The following SLF1 variants were observed in gnomAD, a reference collection of about 807,000 sequenced individuals.
SLF1 encodes the protein SMC5/6 complex localization factor 1, also known as SMC5-SMC6 complex localization factor protein 1.
A neutral mutation model predicts 123.0 loss-of-function variants in SLF1; 105 were observed. That is an observed-to-expected ratio of 0.85 (90% confidence interval 0.73 to 1.00). SLF1 has a LOEUF of 1.00. SLF1 is among the 50% of genes least tolerant of loss of function. SLF1 has a pLI of 0.00. For missense variants in SLF1, 1,239 were observed against 1,223.0 expected, an observed-to-expected ratio of 1.01 and a Z score of -0.20; for synonymous variants, 434 against 406.6, an observed-to-expected ratio of 1.07 and a Z score of -0.81.
At chr5:94,655,632 T>G (rs1748285157) in intron 9 of SLF1, among the ~76,000 whole-genome samples, 1 of 152,118 alleles carries the variant, frequency 6.6e-6, no homozygotes, top group African/African-American at 2.4e-5. Context: ...TCATCAGTGT[T>G]TTTTCGTTTT....
chr5:94,686,273 C>G (rs1752422020), intron 15 of SLF1, among the ~76,000 whole-genome samples: 1 of 151,928 alleles, frequency 6.6e-6, no homozygotes, highest in Non-Finnish European at 1.5e-5. Flanking sequence ...AAATAAAATC[C>G]CCTCTATATA....
At position 94,665,861 on chromosome 5, in the gene SLF1, G is replaced by T; in HGVS notation, c.1369G>T (p.Asp457Tyr). Residue 457 changes from aspartate to tyrosine, a missense_variant and splice_region_variant, in exon 12 of 21, where the codon GAT (aspartate) becomes TAT (tyrosine). Physicochemically the swap from Asp to Tyr is radical, Grantham distance 160. Transcript: ENST00000265140. ...LHALLENVLQ[D>Y]NIDTFSGRYF... ...TTGTTTGTTTATTTTTAAATAATAG[G>T]ATAACATAGATACATTTTCTGGTCG... 1 of 1,538,244 alleles carries T rather than the reference G, an allele frequency of 6.5e-7. No homozygotes were observed.
At position 94,686,684 on chromosome 5, in the gene SLF1, G is replaced by T. The variant is rs767321157; in HGVS notation, c.2087G>T (p.Ser696Ile). Residue 696 changes from serine to isoleucine, a missense_variant, in exon 16 of 21, where the codon AGT becomes ATT. By Grantham distance (142) the Ser-to-Ile change is moderately radical (BLOSUM62 -2). Transcript: ENST00000265140. ...FKKLCLQSSG[S>I]VSSEPLSLQK... ...AAGTTGTGTCTACAGAGCTCTGGCA[G>T]TGTTTCTTCTGAGCCACTCTCTCTT... The T allele has an allele frequency of 6.2e-7, 1 of 1,614,076 alleles. No homozygotes were observed. Among genetic ancestry groups the T allele is most frequent in the Non-Finnish European group, 8.5e-7 (1 of 1,179,964 alleles).
intron 8 of SLF1, among the ~76,000 whole-genome samples, chr5:94,653,969 A>T (rs1026613852): frequency 6.6e-6 from 1 of 152,004 alleles, no homozygotes; most frequent in Non-Finnish European, 1.5e-5. Flanking sequence ...CTGCAGTTGG[A>T]GACCAGACTG....
In SLF1 at chr5:94,621,128, A is replaced by G. The variant is rs998996658; in HGVS notation, c.-1+2363A>G. ...GTTCTAAATGTCTTCCCACCCTTGT[A>G]CTGTTCTTTCACTTAATGTATCTTT... On this transcript the variant is annotated intron_variant, in intron 1 of 20. Coordinates refer to ENST00000265140, the MANE Select transcript of SLF1 (RefSeq NM_032290.4). Among the ~76,000 whole-genome samples the G allele has an allele frequency of 2.0e-5, 3 of 152,292 alleles. No homozygotes were observed. In the East Asian group the frequency reaches 5.8e-4, roughly 29 times the overall value.
chr5:94,692,055 G>C lies in SLF1; in HGVS notation c.2513-19G>C, dbSNP rs543599974. On this transcript the variant is annotated intron_variant, in intron 19 of 20. Coordinates refer to ENST00000265140, the MANE Select transcript of SLF1 (RefSeq NM_032290.4). Reference sequence around the variant, plus strand: ...TCCTACTTCTGCTGTTTTAAAACTTGCCTTGATTTCTAATTTAGACAATGC... The same window carrying C: ...TCCTACTTCTGCTGTTTTAAAACTTCCCTTGATTTCTAATTTAGACAATGC... 1.9e-4 allele frequency: 304 copies of C among 1,610,492 alleles called. 7 individuals are homozygous for C. The Middle Eastern group carries it at 2.8e-3, about 15-fold the overall frequency.
intron 11 of SLF1, among the ~76,000 whole-genome samples, chr5:94,664,384 T>C (rs1749505749): frequency 6.6e-6 from 1 of 152,200 alleles, no homozygotes; most frequent in Non-Finnish European, 1.5e-5. Flanking sequence ...GGCCTCAACC[T>C]CCTGGGCTCA....
chr5:94,650,284 A>G (rs6879384), intron 6 of SLF1, among the ~76,000 whole-genome samples: 33,828 of 152,154 alleles, frequency 0.22, 3,888 homozygotes, highest in East Asian at 0.34. Flanking sequence ...TGTATAACTA[A>G]GAAGAAATTC....
chr5:94,646,509 G>A (rs899777962), intron 5 of SLF1, among the ~76,000 whole-genome samples: 2 of 152,142 alleles, frequency 1.3e-5, no homozygotes, highest in African/African-American at 2.4e-5. Context: ...CATATGAATC[G>A]TGCATTTGTA....
chr5:94,620,879 C>T (rs568236644), intron 1 of SLF1, among the ~76,000 whole-genome samples: 1 of 152,206 alleles, frequency 6.6e-6, no homozygotes, highest in East Asian at 1.9e-4. Context: ...ATTTAAAATA[C>T]ACTGTCTGGT....
chr5:94,688,603 C>G lies in SLF1; in HGVS notation c.2219C>G (p.Ser740Cys). 6.2e-7 allele frequency: 1 copy of G among 1,614,054 alleles called. No individual in the cohort carries two copies. The highest frequency in any genetic ancestry group is 1.3e-5 in the African/African-American group (1 of 75,036). The change falls in exon 17 of 21, where the codon TCT (serine) becomes TGT (cysteine). Residue 740 changes from serine (S) to cysteine (C), a missense_variant. Coordinates refer to ENST00000265140, the MANE Select transcript of SLF1 (RefSeq NM_032290.4). ...KKIGQRPCFDSQRTLLMLNGT... is the reference protein window; with the variant it reads ...KKIGQRPCFDCQRTLLMLNGT... ...ATAGGACAGCGGCCTTGTTTTGACTCTCAGAGAACCTTACTAATGCTGAAT... is the reference window on the plus strand; with the variant it reads ...ATAGGACAGCGGCCTTGTTTTGACTGTCAGAGAACCTTACTAATGCTGAAT...
At chr5:94,687,627 G>A (rs575600980) in intron 16 of SLF1, among the ~76,000 whole-genome samples, 54 of 152,200 alleles carry the variant, frequency 3.5e-4, no homozygotes, top group African/African-American at 1.1e-3. Flanking sequence ...CCAGGAGGTC[G>A]AGGCAGCAGT....
Position 94,689,501 on chromosome 5 carries a change from T to C in SLF1, c.2314T>C (p.Ser772Pro). ...CCTGAACCTTGCTAAATGTTCCTCA[T>C]CATTAAAAAAATTGAAAAAGAAGTC... The part of the protein sequence containing the change: ...LDLNLAKCSS[S>P]LKKLKKKSEG... Residue 772 changes from serine (S) to proline (P), a missense_variant, in exon 18 of 21, where the codon TCA becomes CCA. By Grantham distance (74) the Ser-to-Pro change is moderately conservative. Transcript: ENST00000265140. The C allele has an allele frequency of 6.2e-7, 1 of 1,612,818 alleles. No homozygotes were observed.
At chr5:94,686,809 A>T in intron 16 of SLF1, 91 bp downstream of exon 16, 2 of 1,387,062 alleles carry the variant, frequency 1.4e-6, no homozygotes, top group Non-Finnish European at 9.6e-7. Flanking sequence ...TTATTTTGAG[A>T]TGGAGGCTTG....
intron 5 of SLF1, among the ~76,000 whole-genome samples, chr5:94,646,072 G>A (rs1246549589): frequency 1.3e-5 from 2 of 152,122 alleles, no homozygotes; most frequent in East Asian, 1.9e-4. Context: ...GCAACGTAGC[G>A]AGACTCCATA....
At chr5:94,679,401 A>G (rs1342614247) in intron 15 of SLF1, among the ~76,000 whole-genome samples, 1 of 151,826 alleles carries the variant, frequency 6.6e-6, no homozygotes, top group Admixed American at 6.6e-5. Context: ...TGAGACCAGC[A>G]TGTGCAACAT....
upstream of SLF1, chr5:94,618,638 G>A (rs1791229634): frequency 6.5e-6 from 1 of 154,768 alleles, no homozygotes; most frequent in Non-Finnish European, 1.5e-5. Context: ...ATCGCTTCCG[G>A]GGCTGCCTAG....
At position 94,653,355 on chromosome 5, in the gene SLF1, C is replaced by T; in HGVS notation, c.966C>T (p.Cys322=). The change falls in exon 8 of 21, where the codon TGC becomes TGT. Residue 322 remains cysteine, a synonymous_variant. Transcript: ENST00000265140. ...GCAAGAAAGGAAAAGAAAGCAATTG[C>T]AAGAAAGGCGTTGAACATGAAAAAA... ...RKRKKGKESN[C]KKGVEHEKIK... 2 of 1,529,016 alleles carry T rather than the reference C, an allele frequency of 1.3e-6. No individual in the cohort carries two copies. The highest frequency in any genetic ancestry group is 8.8e-7 in the Non-Finnish European group (1 of 1,140,386). The allele number at this position is 1,529,016 out of a possible 1,614,324, so 94.7% of individuals were successfully genotyped here. A position where few individuals can be genotyped will look rare whatever the true frequency, so the allele number is the denominator to read the frequency against.
At chr5:94,627,973 A>G (rs2152465656) in intron 1 of SLF1, among the ~76,000 whole-genome samples, 1 of 149,770 alleles carries the variant, frequency 6.7e-6, no homozygotes, top group African/African-American at 2.5e-5. Context: ...GGGATTACAG[A>G]CGTGCCGCCA....
Sources: allele counts gnomAD v4.1 joint callset (sites outside exome capture counted in the v4.1 genomes callset), GRCh38; gene constraint gnomAD v4.1.1; transcripts MANE v1.5; gene names NCBI Gene and HGNC (gene_info 2026-07-23, HGNC 2026-07-21).